Variants in PPTC7 observed in about 807,000 individuals in gnomAD.
The protein encoded by PPTC7 is protein phosphatase PTC7 homolog.
Under a neutral mutation model 30.8 loss-of-function variants are expected in PPTC7, and 6 were observed. The observed-to-expected ratio is 0.19, with a 90% CI of 0.11 to 0.38. PPTC7 has a LOEUF of 0.38. Among genes scored for constraint, PPTC7 ranks in the 10% least tolerant of loss-of-function variants. PPTC7 has a pLI of 1.00. For synonymous variants in PPTC7, 163 were observed against 168.1 expected, an observed-to-expected ratio of 0.97 and a Z score of 0.23; for missense variants, 218 against 404.8, an observed-to-expected ratio of 0.54 and a Z score of 3.96.
At chr12:110,581,009 C>A (rs2064632575) in intron 1 of PPTC7, among the ~76,000 whole-genome samples, 3 of 152,130 alleles carry the variant, frequency 2.0e-5, no homozygotes, top group African/African-American at 4.8e-5. Flanking sequence ...CTCAGCCTCC[C>A]AAAGTGCTGG....
chr12:110,577,906 T>C (rs1037020289), intron 1 of PPTC7, among the ~76,000 whole-genome samples: 2 of 151,868 alleles, frequency 1.3e-5, no homozygotes, highest in Non-Finnish European at 1.5e-5. Context: ...AAAGAAGTTA[T>C]AAACACACAC....
intron 1 of PPTC7, among the ~76,000 whole-genome samples, chr12:110,566,023 A>C (rs1054965949): frequency 4.6e-5 from 7 of 152,196 alleles, no homozygotes; most frequent in Non-Finnish European, 8.8e-5. Context: ...GACTTACATG[A>C]ATAAAGTACA....
chr12:110,541,037 A>T (rs1179146486), intron 3 of PPTC7, among the ~76,000 whole-genome samples: 2 of 151,474 alleles, frequency 1.3e-5, no homozygotes, highest in African/African-American at 4.8e-5. Flanking sequence ...GGCCTCTCAA[A>T]GTGCTGGGAT....
At chr12:110,540,860 C>T (rs886339100) in intron 3 of PPTC7, among the ~76,000 whole-genome samples, 1 of 151,508 alleles carries the variant, frequency 6.6e-6, no homozygotes, top group Non-Finnish European at 1.5e-5. Flanking sequence ...ACTGCGAGCT[C>T]CGCTTCCTGG....
Position 110,538,137 on chromosome 12 carries a change from T to C in PPTC7, c.856+7A>G, listed in dbSNP as rs141757197. 8.9e-3 allele frequency: 14,431 copies of C among 1,613,822 alleles called. 72 individuals carry two copies. Among genetic ancestry groups the C allele is most frequent in the Non-Finnish European group, 0.01 (11,881 of 1,179,786 alleles). ...CAGTCCCTATGACCTTCCCAAAGAA[T>C]GCTTACCTCTCACATTCAATCCATT... On this transcript the variant is annotated splice_region_variant and intron_variant, in intron 5 of 5. Transcript: ENST00000354300.
chr12:110,563,454 T>A (rs2064455378), intron 1 of PPTC7, among the ~76,000 whole-genome samples: 1 of 152,008 alleles, frequency 6.6e-6, no homozygotes, highest in African/African-American at 2.4e-5. Context: ...CCATTTCTAT[T>A]AAAAATCAAA....
chr12:110,541,921 A>G (rs2064263552), intron 3 of PPTC7, among the ~76,000 whole-genome samples: 1 of 151,788 alleles, frequency 6.6e-6, no homozygotes. Context: ...CGAGGCAAGC[A>G]GATTATTTGA....
intron 1 of PPTC7, among the ~76,000 whole-genome samples, chr12:110,571,180 A>G (rs2135791222): frequency 6.6e-6 from 1 of 152,280 alleles, no homozygotes; most frequent in South Asian, 2.1e-4. Context: ...TTAAAAGTAA[A>G]TATGCCTCTT....
At chr12:110,569,311 C>A (rs192662621) in intron 1 of PPTC7, among the ~76,000 whole-genome samples, 9 of 151,666 alleles carry the variant, frequency 5.9e-5, no homozygotes, top group African/African-American at 2.2e-4. Context: ...CCAGCCTGGG[C>A]GACAGAGTGA....
intron 1 of PPTC7, among the ~76,000 whole-genome samples, chr12:110,572,740 T>C (rs1053834232): frequency 6.6e-6 from 1 of 152,194 alleles, no homozygotes; most frequent in East Asian, 1.9e-4. Context: ...AGGAACCTAG[T>C]AAATTTATAA....
intron 1 of PPTC7, among the ~76,000 whole-genome samples, chr12:110,564,804 C>T (rs575972560): frequency 8.4e-6 from 1 of 119,326 alleles, no homozygotes; most frequent in African/African-American, 3.6e-5. Flanking sequence ...TATATATACA[C>T]GTATATGTAT....
chr12:110,562,659 G>A (rs1248094153), intron 1 of PPTC7, among the ~76,000 whole-genome samples: 1 of 151,782 alleles, frequency 6.6e-6, no homozygotes, highest in East Asian at 1.9e-4. Context: ...CAGGTATGGT[G>A]GCGCATGACT....
intron 1 of PPTC7, among the ~76,000 whole-genome samples, chr12:110,559,412 A>AAT (rs1555214894): frequency 4.8e-5 from 7 of 144,884 alleles, no homozygotes; most frequent in Middle Eastern, 3.3e-3. Flanking sequence ...GAAGAAAAAA[A>AAT]TTTTTTTTTT....
chr12:110,563,612 T>C (rs2064456654), intron 1 of PPTC7, among the ~76,000 whole-genome samples: 1 of 146,318 alleles, frequency 6.8e-6, no homozygotes, highest in Non-Finnish European at 1.5e-5. Flanking sequence ...CGAAAATCTG[T>C]CTCAAAAAAA....
At chr12:110,562,286 C>CAAAAA (rs11319526) in intron 1 of PPTC7, among the ~76,000 whole-genome samples, 30 of 34,736 alleles carry the variant, frequency 8.6e-4, no homozygotes, top group East Asian at 1.9e-3. Context: ...GACTCCATCT[C>CAAAAA]AAAAAAAAAA....
chr12:110,552,845 T>C lies in PPTC7; in HGVS notation c.224-877A>G, dbSNP rs546955140. ...TGCCACTTCACTCCAGCCTGGGCAA[T>C]GGGGCGAGACTCCGTCTCAAAAAAA... On this transcript the variant is annotated intron_variant, in intron 1 of 5. Transcript: ENST00000354300. Among the ~76,000 whole-genome samples, 1,043 of 151,616 alleles carry C rather than the reference T, an allele frequency of 6.9e-3. 1 individual carries two copies. The highest frequency in any genetic ancestry group is 9.4e-3 in the Non-Finnish European group (636 of 67,878).
intron 1 of PPTC7, among the ~76,000 whole-genome samples, chr12:110,569,150 T>C (rs965605330): frequency 1.3e-5 from 2 of 148,622 alleles, no homozygotes; most frequent in African/African-American, 2.5e-5. Context: ...CTGGCCAACA[T>C]GGTGAAACCC....
At chr12:110,560,971 G>C (rs2135781424) in intron 1 of PPTC7, among the ~76,000 whole-genome samples, 1 of 152,284 alleles carries the variant, frequency 6.6e-6, no homozygotes, top group East Asian at 1.9e-4. Flanking sequence ...AAACTCTAGA[G>C]GAGAAACTGA....
intron 1 of PPTC7, among the ~76,000 whole-genome samples, chr12:110,575,039 C>G (rs925837708): frequency 6.6e-6 from 1 of 151,472 alleles, no homozygotes; most frequent in Non-Finnish European, 1.5e-5. Context: ...ATCCACCCGC[C>G]TTGGCCTCCC....
Sources: gnomAD v4.1 joint callset for allele counts (sites outside exome capture counted in the v4.1 genomes callset) on GRCh38, gnomAD v4.1.1 for gene constraint, MANE v1.5 for transcripts, NCBI Gene and HGNC (gene_info 2026-07-23, HGNC 2026-07-21) for gene names.